Variants in BCAS3 observed in about 807,000 individuals in gnomAD.
The protein encoded by BCAS3 is BCAS3 microtubule associated cell migration factor, also known as BCAS4/BCAS3 fusion.
Under a neutral mutation model 116.1 loss-of-function variants are expected in BCAS3, and 53 were observed. The ratio of observed to expected loss-of-function variants is 0.46; its 90% CI spans 0.37 to 0.57. The LOEUF is 0.57. Among genes scored for constraint, BCAS3 ranks in the 20% least tolerant of loss-of-function variants. The pLI, the probability that BCAS3 is intolerant of heterozygous loss-of-function variation, is 0.00. For synonymous variants in BCAS3, 391 were observed against 408.2 expected (o/e 0.96, Z 0.51); for missense variants, 917 against 1,165.4 (o/e 0.79, Z 3.10).
intron 22 of BCAS3, among the ~76,000 whole-genome samples, chr17:61,314,164 A>T (rs2054550061): frequency 6.6e-6 from 1 of 152,196 alleles, no homozygotes; most frequent in Admixed American, 6.5e-5. Context: ...TCACCTTGTC[A>T]GTTCGTGGCA....
chr17:60,951,267 C>T (rs2060815509), intron 14 of BCAS3, among the ~76,000 whole-genome samples: 1 of 151,966 alleles, frequency 6.6e-6, no homozygotes, highest in South Asian at 2.1e-4. Context: ...TCTAGGAATT[C>T]TAAAATATTA....
intron 11 of BCAS3, among the ~76,000 whole-genome samples, chr17:60,906,065 A>C (rs1377527802): frequency 2.0e-5 from 3 of 152,180 alleles, no homozygotes; most frequent in East Asian, 3.9e-4. Context: ...GCTGGCATTC[A>C]CCTATGCAAG....
intron 7 of BCAS3, among the ~76,000 whole-genome samples, chr17:60,832,919 T>A (rs191221402): frequency 3.0e-4 from 45 of 152,370 alleles, no homozygotes; most frequent in Admixed American, 7.8e-4. Context: ...GTATGCATTT[T>A]TGAAATAAAA....
At chr17:60,821,859 A>T (rs2049998155) in intron 7 of BCAS3, 1 of 152,112 alleles carries the variant, frequency 6.6e-6, no homozygotes, top group Non-Finnish European at 1.5e-5. Flanking sequence ...TGTTTTTTGT[A>T]GAAACAGGGT....
intron 7 of BCAS3, among the ~76,000 whole-genome samples, chr17:60,808,997 T>G (rs2048537617): frequency 6.6e-6 from 1 of 151,972 alleles, no homozygotes; most frequent in Non-Finnish European, 1.5e-5. Flanking sequence ...TGGTAAGAGT[T>G]TGTGGGCCAG....
rs2077110540 is a variant in BCAS3, at chr17:61,144,871, A to G, written c.2425+60307A>G. 6.6e-6 allele frequency among the ~76,000 whole-genome samples: 1 copy of G among 152,232 alleles called. No individual in the cohort carries two copies. The highest frequency in any genetic ancestry group is 1.5e-5 in the Non-Finnish European group (1 of 68,042). ...ATGCTGCTAAGATTCGCAGATTAAG[A>G]TCATTATAGCATTTGAGTAGGCCCT... is the stretch of plus-strand genomic sequence containing the variant. On this transcript the variant is annotated intron_variant, in intron 22 of 23. Coordinates refer to ENST00000407086, the MANE Select transcript of BCAS3 (RefSeq NM_017679.5). This position sits in a 1 kb window ranked among gnomAD's most constrained non-coding sequence, Gnocchi z 5.0.
chr17:61,044,465 A>AAAAAAATATATATATATATAT, intron 19 of BCAS3, among the ~76,000 whole-genome samples: 2 of 120,120 alleles, frequency 1.7e-5, no homozygotes, highest in African/African-American at 1.0e-4. Context: ...AAAAAAAAAA[A>AAAAAAATATATATATATATAT]ATATATATAT....
At chr17:61,036,779 A>G (rs2067067399) in intron 17 of BCAS3, among the ~76,000 whole-genome samples, 2 of 152,344 alleles carry the variant, frequency 1.3e-5, no homozygotes, top group East Asian at 1.9e-4. Context: ...GATTAGATCC[A>G]TATTCAGCAC....
chr17:60,886,735 G>A (rs976957517), intron 9 of BCAS3, among the ~76,000 whole-genome samples: 18 of 152,102 alleles, frequency 1.2e-4, no homozygotes, highest in Non-Finnish European at 1.8e-4. Context: ...CTGCTGGGGG[G>A]TGCCTCCCAG....
intron 15 of BCAS3, among the ~76,000 whole-genome samples, chr17:61,015,010 T>G (rs940851182): frequency 6.6e-6 from 1 of 152,166 alleles, no homozygotes; most frequent in Non-Finnish European, 1.5e-5. Context: ...TGGAAAGGCA[T>G]CCTAAGTTCT....
chr17:61,074,627 A>G (rs974473129), intron 19 of BCAS3, among the ~76,000 whole-genome samples: 13 of 152,184 alleles, frequency 8.5e-5, no homozygotes, highest in African/African-American at 2.9e-4. Flanking sequence ...CCCCCAATGA[A>G]TAGATTTGTC....
chr17:61,115,267 G>A (rs1159579279), intron 22 of BCAS3, among the ~76,000 whole-genome samples: 2 of 152,112 alleles, frequency 1.3e-5, no homozygotes, highest in Non-Finnish European at 2.9e-5. Flanking sequence ...AAGAGCTTCT[G>A]CACAGCAAAA....
chr17:60,710,530 A>C (rs540209379), intron 5 of BCAS3, among the ~76,000 whole-genome samples: 299 of 149,168 alleles, frequency 2.0e-3, no homozygotes, highest in African/African-American at 3.3e-3. Flanking sequence ...CTCCCGGGTT[A>C]ACGCCATTCT....
Position 61,090,667 on chromosome 17 carries a change from C to CT in BCAS3, c.2425+6111dup, listed in dbSNP as rs536128687. On this transcript the variant is annotated intron_variant, in intron 22 of 23. Coordinates refer to ENST00000407086, the MANE Select transcript of BCAS3 (RefSeq NM_017679.5). ...CTTATTCTTCTTTCTTTCTTTCTTT[C>CT]TTTTTTTTGAGATGGAGTCTCACTG... is the stretch of plus-strand genomic sequence containing the variant. Among the ~76,000 whole-genome samples the CT allele has an allele frequency of 1.6e-4, 24 of 151,752 alleles. No homozygotes were observed. In the South Asian group the frequency reaches 4.4e-3, roughly 28 times the overall value.
chr17:60,709,124 T>C, intron 4 of BCAS3, 95 bp from the exon 5 acceptor site: 1 of 635,528 alleles, frequency 1.6e-6, no homozygotes. Flanking sequence ...TAGACAGGTG[T>C]AAAGATTGAA....
At position 61,021,137 on chromosome 17, in the gene BCAS3, A is replaced by C. The variant is rs1462408568; in HGVS notation, c.1637+5236A>C. The stretch of plus-strand genomic sequence containing the variant: ...TGGTGTGTGATCTCCACCCACTGCA[A>C]CCTCTGCTCTTGGGCTCAGGTGATT... On this transcript the variant is annotated intron_variant, in intron 16 of 23. Coordinates refer to ENST00000407086, the MANE Select transcript of BCAS3 (RefSeq NM_017679.5). The surrounding 1 kb of genome is among the most constrained non-coding windows in gnomAD (Gnocchi z 4.6). Among the ~76,000 whole-genome samples the C allele has an allele frequency of 6.6e-6, 1 of 151,820 alleles. No individual in the cohort carries two copies. Among genetic ancestry groups the C allele is most frequent in the Admixed American group, 6.6e-5 (1 of 15,244 alleles).
chr17:61,243,389 G>A lies in BCAS3; in HGVS notation c.2426-124938G>A, dbSNP rs1264859189. Among the ~76,000 whole-genome samples the A allele has an allele frequency of 6.6e-6, 1 of 152,094 alleles. No homozygotes were observed. The highest frequency in any genetic ancestry group is 6.5e-5 in the Admixed American group (1 of 15,272). ...CCATTCATTCATGGATGGACATTTA[G>A]TTTGCTTCTACATCTTGACTATTGT... On this transcript the variant is annotated intron_variant, in intron 22 of 23. Coordinates refer to ENST00000407086, the MANE Select transcript of BCAS3 (RefSeq NM_017679.5). The surrounding 1 kb of genome is among the most constrained non-coding windows in gnomAD (Gnocchi z 5.6).
Position 61,391,656 on chromosome 17 carries a change from G to T in BCAS3, c.2594-321G>T. 1 of 273,420 alleles carries T rather than the reference G, an allele frequency of 3.7e-6. No homozygotes were observed. The allele number at this position is 273,420 out of a possible 1,614,324, so 16.9% of individuals were successfully genotyped here. A position where few individuals can be genotyped will look rare whatever the true frequency, so the allele number is the denominator to read the frequency against. Reference sequence around the variant, plus strand: ...TGGCTGAGCATGAGTGTGTGCAGGCGTGGGTACGGGCTCATGAAGAGCTGT... The same window carrying T: ...TGGCTGAGCATGAGTGTGTGCAGGCTTGGGTACGGGCTCATGAAGAGCTGT... On this transcript the variant is annotated intron_variant, in intron 23 of 23. Coordinates refer to ENST00000407086, the MANE Select transcript of BCAS3 (RefSeq NM_017679.5). The surrounding 1 kb of genome is among the most constrained non-coding windows in gnomAD (Gnocchi z 7.7).
chr17:60,796,418 C>T (rs959177290), intron 6 of BCAS3, among the ~76,000 whole-genome samples: 6 of 152,006 alleles, frequency 3.9e-5, no homozygotes, highest in African/African-American at 1.4e-4. Context: ...TGTTATTGGC[C>T]TGTTGAGGGT....
Sources: allele counts gnomAD v4.1 joint callset (sites outside exome capture counted in the v4.1 genomes callset), GRCh38; gene constraint gnomAD v4.1.1; non-coding constraint Gnocchi (gnomAD v3.1); transcripts MANE v1.5; gene names NCBI Gene and HGNC (gene_info 2026-07-23, HGNC 2026-07-21).